CFAP299: variants seen among roughly 807,000 people sequenced by gnomAD.
CFAP299 encodes cilia- and flagella-associated protein 299.
CFAP299 carries 21 observed loss-of-function variants against 27.0 expected under a neutral mutation model. The observed-to-expected ratio is 0.78, with a 90% confidence interval of 0.55 to 1.12. The LOEUF (loss-of-function observed/expected upper bound fraction) is 1.12. Ranked by LOEUF, CFAP299 falls within the 50% of genes most tolerant of loss-of-function variation. CFAP299 has a pLI of 0.00. For synonymous variants in CFAP299, 104 were observed against 98.1 expected (o/e 1.06, Z -0.36); for missense variants, 310 against 276.6 (o/e 1.12, Z -0.86).
chr4:80,760,014 G>GA (rs1319148223), intron 3 of CFAP299, among the ~76,000 whole-genome samples: 3 of 151,938 alleles, frequency 2.0e-5, no homozygotes, highest in Non-Finnish European at 4.4e-5. Context: ...CAGGGCCAGA[G>GA]AAAAAATTTT....
At chr4:80,658,151 T>G (rs1186744703) in intron 3 of CFAP299, among the ~76,000 whole-genome samples, 1 of 152,232 alleles carries the variant, frequency 6.6e-6, no homozygotes, top group Non-Finnish European at 1.5e-5. Flanking sequence ...TGGGGTTTTC[T>G]AGGTATACAA....
intron 2 of CFAP299, among the ~76,000 whole-genome samples, chr4:80,520,451 T>G (rs1388785295): frequency 6.6e-6 from 1 of 152,220 alleles, no homozygotes; most frequent in Admixed American, 6.5e-5. Context: ...CCCACTTGTT[T>G]AAGATTCTTT....
At chr4:80,593,437 T>A (rs1024253619) in intron 3 of CFAP299, among the ~76,000 whole-genome samples, 4 of 152,228 alleles carry the variant, frequency 2.6e-5, no homozygotes, top group Non-Finnish European at 5.9e-5. Context: ...ACTGTTGCAA[T>A]GATAATTAAG....
chr4:80,351,642 T>G (rs1015441190), intron 1 of CFAP299, among the ~76,000 whole-genome samples: 1 of 151,874 alleles, frequency 6.6e-6, no homozygotes. Flanking sequence ...ATGTAAATGA[T>G]CTAAACATTT....
Position 80,871,143 on chromosome 4 carries a change from G to A in CFAP299, c.476+1008G>A, listed in dbSNP as rs568196845. On this transcript the variant is annotated intron_variant, in intron 4 of 5. Coordinates refer to ENST00000358105, the MANE Select transcript of CFAP299 (RefSeq NM_152770.3). ...GCTGGTCTCAAACTCCTGACCTCAG[G>A]TGATCCACCGGCCTCAGCCTCCCAA... 9.5e-6 allele frequency: 8 copies of A among 844,296 alleles called. No homozygotes were observed. In the East Asian group the frequency reaches 9.9e-4, roughly 104 times the overall value. 52.3% of individuals were successfully genotyped at this position (844,296 alleles called of 1,614,324 possible).
intron 4 of CFAP299, among the ~76,000 whole-genome samples, chr4:80,883,371 AGAAAG>A (rs1287532387): frequency 1.3e-5 from 2 of 152,168 alleles, no homozygotes; most frequent in Admixed American, 1.3e-4. Context: ...CAAGAGAAGA[AGAAAG>A]GAACAAAGAA....
At position 80,397,969 on chromosome 4, in the gene CFAP299, CA is replaced by C. The variant is rs1168218381; in HGVS notation, c.242+35086del. 2.0e-5 allele frequency among the ~76,000 whole-genome samples: 3 copies of C among 152,196 alleles called. No homozygotes were observed. In the East Asian group the frequency reaches 5.8e-4, roughly 29 times the overall value. On this transcript the variant is annotated intron_variant, in intron 2 of 5. Transcript: ENST00000358105. ...TCTCAGCCCAAAATCTCCTTAAGCT[CA>C]TAAGCAACTTCAGCAAAGTCTCAGG...
chr4:80,818,510 T>C (rs899441773), intron 3 of CFAP299, among the ~76,000 whole-genome samples: 3 of 152,154 alleles, frequency 2.0e-5, no homozygotes, highest in Admixed American at 2.0e-4. Context: ...TGCTATTACT[T>C]GAATAGTGAA....
At chr4:80,715,290 G>A (rs76429379) in intron 3 of CFAP299, among the ~76,000 whole-genome samples, 1 of 152,162 alleles carries the variant, frequency 6.6e-6, no homozygotes, top group African/African-American at 2.4e-5. Flanking sequence ...AAAGCATTTT[G>A]CTGCCTCCAT....
At chr4:80,919,802 AT>A (rs199692811) in intron 4 of CFAP299, among the ~76,000 whole-genome samples, 2 of 151,574 alleles carry the variant, frequency 1.3e-5, no homozygotes, top group Admixed American at 1.3e-4. Context: ...GAGAGCACTA[AT>A]TTTTTTTTAC....
intron 2 of CFAP299, among the ~76,000 whole-genome samples, chr4:80,565,180 C>T (rs1049321945): frequency 1.3e-5 from 2 of 151,914 alleles, no homozygotes; most frequent in Non-Finnish European, 2.9e-5. Flanking sequence ...ATGACCTATA[C>T]ACAAAGCAAT....
rs554176811 is a variant in CFAP299, at chr4:80,640,016, T to G, written c.333+56833T>G. 3.3e-5 allele frequency among the ~76,000 whole-genome samples: 5 copies of G among 152,152 alleles called. No individual in the cohort carries two copies. The South Asian group carries it at 1.0e-3, about 32-fold the overall frequency. On this transcript the variant is annotated intron_variant, in intron 3 of 5. Coordinates refer to ENST00000358105, the MANE Select transcript of CFAP299 (RefSeq NM_152770.3). ...GGCATGGAGTTTCAGTTTATGATGG[T>G]GAAAAAGTTCTGGAGATGGGTGGTG...
At chr4:80,570,693 G>A (rs1447123435) in intron 2 of CFAP299, among the ~76,000 whole-genome samples, 1 of 152,054 alleles carries the variant, frequency 6.6e-6, no homozygotes, top group East Asian at 1.9e-4. Context: ...GCTTTATTTT[G>A]TAAATCTGAA....
In CFAP299 at chr4:80,543,147, C is replaced by T. The variant is rs190603497; in HGVS notation, c.243-39946C>T. Among the ~76,000 whole-genome samples the T allele has an allele frequency of 9.2e-5, 14 of 152,264 alleles. No homozygotes were observed. In the East Asian group the frequency reaches 9.6e-4, roughly 10 times the overall value. On this transcript the variant is annotated intron_variant, in intron 2 of 5. Coordinates refer to ENST00000358105, the MANE Select transcript of CFAP299 (RefSeq NM_152770.3). ...ATCTAGAAACAGTCATTCAACTACA[C>T]GCAACTGGCACCACAGTCAAATGCT... is the stretch of plus-strand genomic sequence containing the variant.
intron 2 of CFAP299, chr4:80,388,473 CG>C (rs1560541987): frequency 8.9e-7 from 1 of 1,127,594 alleles, no homozygotes. Flanking sequence ...GTGTCCAGGT[CG>C]GGGGCATTTC....
chr4:80,346,959 T>G (rs1338939365), intron 1 of CFAP299, among the ~76,000 whole-genome samples: 1 of 152,174 alleles, frequency 6.6e-6, no homozygotes, highest in Non-Finnish European at 1.5e-5. Context: ...TGAGCAGTGG[T>G]TTGTAGTTCT....
chr4:80,624,982 T>C (rs1292249754), intron 3 of CFAP299, among the ~76,000 whole-genome samples: 1 of 151,998 alleles, frequency 6.6e-6, no homozygotes, highest in Non-Finnish European at 1.5e-5. Context: ...TTACAAGAAA[T>C]GCTAAAGGGA....
intron 3 of CFAP299, among the ~76,000 whole-genome samples, chr4:80,762,762 T>C (rs1725607502): frequency 6.6e-6 from 1 of 152,110 alleles, no homozygotes. Flanking sequence ...GAGTGTTGTG[T>C]CACCAAAGCC....
chr4:80,741,121 C>G (rs1724239013), intron 3 of CFAP299, among the ~76,000 whole-genome samples: 1 of 152,212 alleles, frequency 6.6e-6, no homozygotes, highest in African/African-American at 2.4e-5. Context: ...GAGTCTCTCA[C>G]TGCAGCCACC....
Sources: allele counts gnomAD v4.1 joint callset (sites outside exome capture counted in the v4.1 genomes callset), GRCh38; gene constraint gnomAD v4.1.1; transcripts MANE v1.5; gene names NCBI Gene and HGNC (gene_info 2026-07-23, HGNC 2026-07-21).